The following SCHIP1 variants were observed in gnomAD, a reference collection of about 807,000 sequenced individuals.
The protein encoded by SCHIP1 is schwannomin-interacting protein 1.
In SCHIP1, 8 loss-of-function variants were observed where a neutral mutation model predicts 29.7. That is an observed-to-expected ratio of 0.27 (90% CI 0.16 to 0.49). The LOEUF (loss-of-function observed/expected upper bound fraction) is 0.49. Ranked by LOEUF, SCHIP1 falls within the 20% of genes least tolerant of loss-of-function variation. SCHIP1 has a pLI of 0.99. For missense variants in SCHIP1, 193 were observed against 294.6 expected (o/e 0.66, Z 2.52); for synonymous variants, 76 against 94.9 (o/e 0.80, Z 1.16).
chr3:159,717,969 C>A, the SCHIP1 span, among the ~76,000 whole-genome samples: 3 of 152,128 alleles, frequency 2.0e-5, no homozygotes, highest in African/African-American at 4.8e-5. Context: ...AACACTGATG[C>A]AAAAATCCTC....
chr3:159,675,470 A>C, the SCHIP1 span, among the ~76,000 whole-genome samples: 2 of 152,172 alleles, frequency 1.3e-5, no homozygotes, highest in African/African-American at 2.4e-5. Context: ...TGTTTTTCAC[A>C]CTCTAAAAAT....
At chr3:159,275,277 T>C in the SCHIP1 span, 2 of 171,484 alleles carry the variant, frequency 1.2e-5, no homozygotes, top group Admixed American at 1.3e-4. Context: ...TCTGCTTTGG[T>C]TTAATAGGTA....
At chr3:159,680,823 G>A in the SCHIP1 span, among the ~76,000 whole-genome samples, 2 of 138,290 alleles carry the variant, frequency 1.4e-5, no homozygotes, top group Non-Finnish European at 3.1e-5. Flanking sequence ...ACCCAAAATA[G>A]CATGAATAGC....
chr3:159,725,416 A>G, the SCHIP1 span, among the ~76,000 whole-genome samples: 2 of 151,920 alleles, frequency 1.3e-5, no homozygotes, highest in Admixed American at 1.3e-4. Flanking sequence ...CTACAGGCAC[A>G]TGCCACTGCA....
the SCHIP1 span, among the ~76,000 whole-genome samples, chr3:159,756,520 AG>A: frequency 1.3e-5 from 2 of 152,162 alleles, no homozygotes; most frequent in African/African-American, 4.8e-5. Flanking sequence ...CTATGACGGG[AG>A]GGGCTGCTAT....
At chr3:159,807,225 A>G in the SCHIP1 span, among the ~76,000 whole-genome samples, 11 of 152,332 alleles carry the variant, frequency 7.2e-5, no homozygotes, top group East Asian at 2.1e-3. Flanking sequence ...TTGTAAGTCT[A>G]TCATAGTCCA....
chr3:159,688,908 A>C, the SCHIP1 span, among the ~76,000 whole-genome samples: 1 of 152,156 alleles, frequency 6.6e-6, no homozygotes, highest in Non-Finnish European at 1.5e-5. Flanking sequence ...AGATAGTTGT[A>C]GATGTGTGGT....
At chr3:159,477,105 G>T in the SCHIP1 span, among the ~76,000 whole-genome samples, 1 of 152,056 alleles carries the variant, frequency 6.6e-6, no homozygotes, top group African/African-American at 2.4e-5. Context: ...CATCCACATT[G>T]TCACAAATGA....
At chr3:159,500,112 C>T in the SCHIP1 span, among the ~76,000 whole-genome samples, 2 of 152,022 alleles carry the variant, frequency 1.3e-5, no homozygotes, top group African/African-American at 4.8e-5. Flanking sequence ...TCCATCACAC[C>T]ACACTGCCAC....
chr3:159,558,906 A>AC, the SCHIP1 span, among the ~76,000 whole-genome samples: 1 of 152,116 alleles, frequency 6.6e-6, no homozygotes, highest in Non-Finnish European at 1.5e-5. Flanking sequence ...TAACTATGAC[A>AC]CCCACACACT....
intron 1 of SCHIP1, among the ~76,000 whole-genome samples, chr3:159,854,263 G>A (rs1713046164): frequency 6.6e-6 from 1 of 152,162 alleles, no homozygotes; most frequent in Admixed American, 6.5e-5. Flanking sequence ...TTTTTAATTT[G>A]ATCAAATACA....
At chr3:159,390,033 T>C in the SCHIP1 span, among the ~76,000 whole-genome samples, 12 of 152,192 alleles carry the variant, frequency 7.9e-5, no homozygotes, top group Middle Eastern at 6.8e-3. Context: ...TATTAACAAA[T>C]TATATTTCAC....
chr3:159,364,793 T>C, the SCHIP1 span, among the ~76,000 whole-genome samples: 1 of 152,240 alleles, frequency 6.6e-6, no homozygotes, highest in Non-Finnish European at 1.5e-5. Context: ...ATCCCTGCAT[T>C]ATGTGGGAAT....
the SCHIP1 span, among the ~76,000 whole-genome samples, chr3:159,325,701 T>C: frequency 6.6e-6 from 1 of 152,064 alleles, no homozygotes; most frequent in Admixed American, 6.5e-5. Flanking sequence ...AATTGTCAAT[T>C]TACTCTAAAA....
chr3:159,618,651 G>A, the SCHIP1 span, among the ~76,000 whole-genome samples: 4 of 152,194 alleles, frequency 2.6e-5, no homozygotes, highest in African/African-American at 7.2e-5. Flanking sequence ...GATGCAAAAC[G>A]AAACAAAACT....
At chr3:159,741,575 C>T in the SCHIP1 span, among the ~76,000 whole-genome samples, 7,262 of 152,320 alleles carry the variant, frequency 0.048, 584 homozygotes, top group African/African-American at 0.17. Context: ...TTAAAGCTGC[C>T]TTCACCTTTT....
At chr3:159,653,117 G>A in the SCHIP1 span, among the ~76,000 whole-genome samples, 1 of 152,150 alleles carries the variant, frequency 6.6e-6, no homozygotes, top group Non-Finnish European at 1.5e-5. Flanking sequence ...TGGAGAAATA[G>A]GAACACTTTT....
chr3:159,388,095 T>G, the SCHIP1 span, among the ~76,000 whole-genome samples: 1 of 152,188 alleles, frequency 6.6e-6, no homozygotes, highest in East Asian at 1.9e-4. Context: ...TCAGTGATGA[T>G]GATTAGGCAG....
chr3:159,314,830 T>C, the SCHIP1 span, among the ~76,000 whole-genome samples: 2 of 152,250 alleles, frequency 1.3e-5, no homozygotes, highest in African/African-American at 4.8e-5. Flanking sequence ...TCCCAATGGC[T>C]TATAGCTGAT....
Sources: gnomAD v4.1 joint callset for allele counts (sites outside exome capture counted in the v4.1 genomes callset) on GRCh38, gnomAD v4.1.1 for gene constraint, MANE v1.5 for transcripts, NCBI Gene and HGNC (gene_info 2026-07-23, HGNC 2026-07-21) for gene names.